The following ABTB3 variants were observed in gnomAD, a reference collection of about 807,000 sequenced individuals.
The protein encoded by ABTB3 is ankyrin repeat- and BTB/POZ domain-containing protein 3.
At chr12:107,400,744 C>A in the ABTB3 span, among the ~76,000 whole-genome samples, 3 of 152,052 alleles carry the variant, frequency 2.0e-5, no homozygotes, top group African/African-American at 7.2e-5. Context: ...CTTACACCCC[C>A]CCGCAAGAGT....
the ABTB3 span, among the ~76,000 whole-genome samples, chr12:107,630,723 C>A: frequency 2.0e-5 from 3 of 152,196 alleles, no homozygotes; most frequent in African/African-American, 7.2e-5. Flanking sequence ...GCATGCACCA[C>A]CACACCGGGT....
chr12:107,653,488 G>T, the ABTB3 span, among the ~76,000 whole-genome samples: 1 of 150,238 alleles, frequency 6.7e-6, no homozygotes, highest in African/African-American at 2.4e-5. Flanking sequence ...CTGCACTCCA[G>T]CCTGGGCGAC....
chr12:107,548,689 T>A, the ABTB3 span, among the ~76,000 whole-genome samples: 1 of 152,240 alleles, frequency 6.6e-6, no homozygotes, highest in Non-Finnish European at 1.5e-5. Context: ...TATTTACGAT[T>A]AGGTGATATT....
At chr12:107,491,021 G>C in the ABTB3 span, among the ~76,000 whole-genome samples, 1 of 152,140 alleles carries the variant, frequency 6.6e-6, no homozygotes, top group African/African-American at 2.4e-5. Flanking sequence ...AGACTCCAAA[G>C]CCATATGGGG....
the ABTB3 span, among the ~76,000 whole-genome samples, chr12:107,561,434 C>G: frequency 6.6e-6 from 1 of 152,120 alleles, no homozygotes; most frequent in Non-Finnish European, 1.5e-5. Context: ...GCTTTTCTTT[C>G]CTTGATAGCC....
the ABTB3 span, among the ~76,000 whole-genome samples, chr12:107,384,480 A>G: frequency 2.0e-5 from 3 of 152,198 alleles, no homozygotes; most frequent in African/African-American, 7.2e-5. Context: ...GCATCTTGGC[A>G]GGTGTCGTAG....
At chr12:107,587,359 G>A in the ABTB3 span, among the ~76,000 whole-genome samples, 5 of 152,208 alleles carry the variant, frequency 3.3e-5, no homozygotes, top group African/African-American at 4.8e-5. Flanking sequence ...AGTGATCCAC[G>A]TGAGATGCTG....
At chr12:107,476,247 G>A in the ABTB3 span, among the ~76,000 whole-genome samples, 2 of 152,152 alleles carry the variant, frequency 1.3e-5, no homozygotes, top group Non-Finnish European at 2.9e-5. Flanking sequence ...GATGAGCTGG[G>A]AGCTACCAAG....
the ABTB3 span, among the ~76,000 whole-genome samples, chr12:107,405,449 C>G: frequency 6.6e-6 from 1 of 152,242 alleles, no homozygotes; most frequent in African/African-American, 2.4e-5. Context: ...TTATATTCTA[C>G]TTTAGATCAA....
chr12:107,639,542 G>A, the ABTB3 span, among the ~76,000 whole-genome samples: 1 of 152,178 alleles, frequency 6.6e-6, no homozygotes, highest in Non-Finnish European at 1.5e-5. Flanking sequence ...GAAACACTTA[G>A]GAGGACAGGG....
chr12:107,495,461 A>G, the ABTB3 span, among the ~76,000 whole-genome samples: 5 of 152,184 alleles, frequency 3.3e-5, no homozygotes, highest in South Asian at 4.1e-4. Flanking sequence ...CCTAGCTGCC[A>G]CTGTGTGCTG....
the ABTB3 span, chr12:107,609,929 G>T: frequency 2.2e-6 from 1 of 452,652 alleles, no homozygotes; most frequent in African/African-American, 2.0e-5. Context: ...CTAGTCCATA[G>T]TAAATATTCA....
At chr12:107,529,417 G>A in the ABTB3 span, among the ~76,000 whole-genome samples, 9 of 152,020 alleles carry the variant, frequency 5.9e-5, no homozygotes, top group Non-Finnish European at 7.4e-5. Context: ...TGACAGAGAC[G>A]ATAATCATGA....
chr12:107,620,828 A>G, the ABTB3 span, among the ~76,000 whole-genome samples: 1 of 152,134 alleles, frequency 6.6e-6, no homozygotes. Flanking sequence ...TTACAACATT[A>G]ATTCTTAAAA....
the ABTB3 span, among the ~76,000 whole-genome samples, chr12:107,582,613 G>T: frequency 3.3e-5 from 5 of 152,184 alleles, no homozygotes; most frequent in African/African-American, 9.7e-5. Flanking sequence ...TGCAACAAAA[G>T]ATTTCTCTCT....
chr12:107,502,981 G>C, the ABTB3 span, among the ~76,000 whole-genome samples: 1 of 152,172 alleles, frequency 6.6e-6, no homozygotes, highest in East Asian at 1.9e-4. Flanking sequence ...AAGGCCAATG[G>C]ATCAGGAGAC....
chr12:107,635,405 C>T, the ABTB3 span: 2 of 1,609,596 alleles, frequency 1.2e-6, no homozygotes, highest in African/African-American at 2.7e-5. Context: ...GTGGTTCCCC[C>T]AGGCCTGTGT....
the ABTB3 span, among the ~76,000 whole-genome samples, chr12:107,579,243 G>T: frequency 1.3e-5 from 2 of 152,228 alleles, no homozygotes; most frequent in Non-Finnish European, 2.9e-5. Flanking sequence ...TTGCATGCCA[G>T]CAAGAGTCCA....
the ABTB3 span, among the ~76,000 whole-genome samples, chr12:107,536,723 A>C: frequency 4.6e-5 from 7 of 152,172 alleles, no homozygotes; most frequent in Non-Finnish European, 1.0e-4. Context: ...AAAAAGAAAA[A>C]ATAACAAATA....
Sources: gnomAD v4.1 joint callset for allele counts (sites outside exome capture counted in the v4.1 genomes callset) on GRCh38, gnomAD v4.1.1 for gene constraint, MANE v1.5 for transcripts, NCBI Gene and HGNC (gene_info 2026-07-23, HGNC 2026-07-21) for gene names.